Variants in FAF1 observed in about 807,000 individuals in gnomAD.
FAF1 encodes the protein Fas associated factor 1, also known as FAS-associated factor 1.
In FAF1, 25 loss-of-function variants were observed where a neutral mutation model predicts 92.5. The observed-to-expected ratio is 0.27, with a 90% confidence interval of 0.20 to 0.38. The LOEUF is 0.38. Ranked by LOEUF, FAF1 falls within the 10% of genes least tolerant of loss-of-function variation. The pLI is 1.00. For synonymous variants in FAF1, 234 were observed against 273.2 expected (o/e 0.86, Z 1.42); for missense variants, 636 against 793.3 (o/e 0.80, Z 2.38).
chr1:50,689,591 AC>A (rs1446378466), intron 7 of FAF1, among the ~76,000 whole-genome samples: 1 of 152,236 alleles, frequency 6.6e-6, no homozygotes, highest in Admixed American at 6.5e-5. Flanking sequence ...CTGAAAAAAA[AC>A]AAAAAACAAA....
At chr1:50,518,035 T>C (rs772169879) in intron 15 of FAF1, among the ~76,000 whole-genome samples, 10 of 152,252 alleles carry the variant, frequency 6.6e-5, no homozygotes, top group Non-Finnish European at 1.3e-4. Context: ...AACGTATGTA[T>C]AGATTCATGT....
intron 6 of FAF1, among the ~76,000 whole-genome samples, chr1:50,712,220 A>T (rs1657962629): frequency 6.6e-6 from 1 of 152,182 alleles, no homozygotes; most frequent in Non-Finnish European, 1.5e-5. Flanking sequence ...TGTAATACTG[A>T]TTTTCCTAAG....
chr1:50,643,883 G>A (rs1654459583), intron 8 of FAF1, among the ~76,000 whole-genome samples: 1 of 152,126 alleles, frequency 6.6e-6, no homozygotes, highest in African/African-American at 2.4e-5. Flanking sequence ...AAGAGCCATC[G>A]CTGCCCCCAC....
At chr1:50,510,184 A>T (rs970493063) in intron 15 of FAF1, among the ~76,000 whole-genome samples, 6 of 150,914 alleles carry the variant, frequency 4.0e-5, no homozygotes, top group African/African-American at 4.9e-5. Context: ...AAAAAAAAAA[A>T]TTTAAATTTA....
At chr1:50,890,210 C>T (rs993003975) in intron 1 of FAF1, among the ~76,000 whole-genome samples, 8 of 152,112 alleles carry the variant, frequency 5.3e-5, no homozygotes, top group South Asian at 2.1e-4. Context: ...TTTCCATTTG[C>T]TTGGTAGATC....
chr1:50,614,112 AAC>A (rs1652799218), intron 8 of FAF1, among the ~76,000 whole-genome samples: 1 of 152,200 alleles, frequency 6.6e-6, no homozygotes, highest in East Asian at 1.9e-4. Context: ...AAAGAAAAAA[AAC>A]ACACACAAAA....
At chr1:50,486,188 G>A (rs911917351) in intron 17 of FAF1, among the ~76,000 whole-genome samples, 1 of 152,156 alleles carries the variant, frequency 6.6e-6, no homozygotes, top group Non-Finnish European at 1.5e-5. Flanking sequence ...AAGGTGGCAC[G>A]AAGGCATAAA....
chr1:50,682,517 T>C (rs1656469351), intron 7 of FAF1, among the ~76,000 whole-genome samples: 1 of 152,118 alleles, frequency 6.6e-6, no homozygotes, highest in Non-Finnish European at 1.5e-5. Flanking sequence ...TCGTCTTATG[T>C]TACTTTCTGT....
intron 4 of FAF1, among the ~76,000 whole-genome samples, chr1:50,750,887 T>C (rs958415410): frequency 6.6e-6 from 1 of 151,642 alleles, no homozygotes; most frequent in African/African-American, 2.4e-5. Context: ...CCTCTCAAAA[T>C]GCTGGGATTA....
chr1:50,848,977 A>G (rs12083647), intron 2 of FAF1, among the ~76,000 whole-genome samples: 14,372 of 152,198 alleles, frequency 0.094, 720 homozygotes, highest in African/African-American at 0.13. Flanking sequence ...TATTGTACTA[A>G]GCCAGGCGCA....
intron 1 of FAF1, among the ~76,000 whole-genome samples, chr1:50,931,823 G>A (rs1645049193): frequency 2.6e-5 from 4 of 151,290 alleles, no homozygotes; most frequent in Non-Finnish European, 4.4e-5. Context: ...GAAGTAAGCC[G>A]AGATCGTGCC....
intron 7 of FAF1, among the ~76,000 whole-genome samples, chr1:50,704,827 C>G (rs1657607340): frequency 1.3e-5 from 2 of 152,134 alleles, no homozygotes; most frequent in African/African-American, 2.4e-5. Flanking sequence ...AATTCAGAAG[C>G]TGAAATTCAT....
At chr1:50,819,369 C>T (rs1005543566) in intron 2 of FAF1, among the ~76,000 whole-genome samples, 1 of 151,004 alleles carries the variant, frequency 6.6e-6, no homozygotes, top group Non-Finnish European at 1.5e-5. Context: ...AATCCCAGCA[C>T]TTTGGGAGAT....
intron 2 of FAF1, among the ~76,000 whole-genome samples, chr1:50,849,646 A>T (rs1288882925): frequency 6.6e-6 from 1 of 152,210 alleles, no homozygotes; most frequent in Non-Finnish European, 1.5e-5. Context: ...CTGACTATAT[A>T]GGCTACTAAC....
intron 1 of FAF1, among the ~76,000 whole-genome samples, chr1:50,947,223 GAGA>G (rs1645178235): frequency 6.6e-6 from 1 of 152,190 alleles, no homozygotes; most frequent in Non-Finnish European, 1.5e-5. Flanking sequence ...GAGGGCAAAA[GAGA>G]AGAAGCTTTC....
At chr1:50,821,488 G>A (rs1644042907) in intron 2 of FAF1, among the ~76,000 whole-genome samples, 1 of 152,226 alleles carries the variant, frequency 6.6e-6, no homozygotes, top group South Asian at 2.1e-4. Context: ...TATTTCAGAA[G>A]TTAATGTCTA....
chr1:50,454,378 C>T (rs1162396026), intron 18 of FAF1, among the ~76,000 whole-genome samples: 1 of 152,192 alleles, frequency 6.6e-6, no homozygotes, highest in African/African-American at 2.4e-5. Flanking sequence ...CAAGGCTCAG[C>T]TCAGATGCTA....
chr1:50,535,262 C>T lies in FAF1; in HGVS notation c.1494+107G>A, dbSNP rs578049886. The T allele has an allele frequency of 4.1e-6, 3 of 734,004 alleles. No homozygotes were observed. In the East Asian group the frequency reaches 7.8e-5, roughly 19 times the overall value. 45.5% of individuals were successfully genotyped at this position (734,004 alleles called of 1,614,324 possible). A position where few individuals can be genotyped will look rare whatever the true frequency, so the allele number is the denominator to read the frequency against. On this transcript the variant is annotated intron_variant, in intron 15 of 18. Transcript: ENST00000396153. ...CTTGGTAAATTTGGAAATGCATCTT[C>T]ATCATCCTTATTTATCGATCATATC...
intron 4 of FAF1, among the ~76,000 whole-genome samples, chr1:50,782,633 G>A (rs1208694128): frequency 6.6e-6 from 1 of 151,994 alleles, no homozygotes; most frequent in Non-Finnish European, 1.5e-5. Context: ...CTCCCACCTA[G>A]GCCTCCCAAA....
Sources: gnomAD v4.1 joint callset for allele counts (sites outside exome capture counted in the v4.1 genomes callset) on GRCh38, gnomAD v4.1.1 for gene constraint, MANE v1.5 for transcripts, NCBI Gene and HGNC (gene_info 2026-07-23, HGNC 2026-07-21) for gene names.